GRK3: variants seen among roughly 807,000 people sequenced by gnomAD.
GRK3 encodes G protein-coupled receptor kinase 3, also known as adrenergic, beta, receptor kinase 2.
A neutral mutation model predicts 95.7 loss-of-function variants in GRK3; 54 were observed. The observed-to-expected ratio is 0.56, with a 90% confidence interval of 0.45 to 0.71. The LOEUF (loss-of-function observed/expected upper bound fraction) is 0.71, where lower values mean the gene tolerates loss of function less well. GRK3 is among the 30% of genes least tolerant of loss of function. The pLI, the probability that GRK3 is intolerant of heterozygous loss-of-function variation, is 0.00. For synonymous variants in GRK3, 281 were observed against 290.8 expected (o/e 0.97, Z 0.34); for missense variants, 649 against 851.2 (o/e 0.76, Z 2.96).
chr22:25,608,562 A>C (rs2084470139), intron 2 of GRK3, among the ~76,000 whole-genome samples: 1 of 152,224 alleles, frequency 6.6e-6, no homozygotes, highest in African/African-American at 2.4e-5. Flanking sequence ...AAGCTCAGGA[A>C]AGATTCCACA....
intron 5 of GRK3, among the ~76,000 whole-genome samples, chr22:25,666,169 A>G (rs182433897): frequency 1.1e-4 from 16 of 152,334 alleles, no homozygotes; most frequent in Non-Finnish European, 2.2e-4. Context: ...GGTAGATTCT[A>G]CGTAGTCTTA....
At chr22:25,699,244 A>G (rs1601535545) in intron 13 of GRK3, among the ~76,000 whole-genome samples, 1 of 152,096 alleles carries the variant, frequency 6.6e-6, no homozygotes, top group South Asian at 2.1e-4. Flanking sequence ...CCTGTGTTGT[A>G]TAGAAGGGAG....
intron 4 of GRK3, among the ~76,000 whole-genome samples, chr22:25,662,185 C>G (rs5996963): frequency 6.6e-6 from 1 of 152,114 alleles, no homozygotes; most frequent in South Asian, 2.1e-4. Flanking sequence ...TTAGGATAAA[C>G]TAGGTTATTA....
At position 25,708,812 on chromosome 22, in the gene GRK3, C is replaced by A. The variant is rs951170095; in HGVS notation, c.1329-1086C>A. On this transcript the variant is annotated intron_variant, in intron 15 of 20. Coordinates refer to ENST00000324198, the MANE Select transcript of GRK3 (RefSeq NM_005160.4). ...GAGTAGCTGAGACTACAGGCGCCTG[C>A]CACCATGCCCAGCTAATTTTTTGTA... Among the ~76,000 whole-genome samples the A allele has an allele frequency of 2.9e-4, 44 of 150,398 alleles. 1 individual carries two copies. Among genetic ancestry groups the A allele is most frequent in the Admixed American group, 2.9e-3 (44 of 15,128 alleles).
chr22:25,675,244 C>T (rs557926178), intron 8 of GRK3, among the ~76,000 whole-genome samples: 24 of 152,208 alleles, frequency 1.6e-4, no homozygotes, highest in African/African-American at 4.8e-5. Flanking sequence ...AAGCATAAGC[C>T]GTTGTGGCAT....
chr22:25,679,330 C>T (rs998661465), intron 9 of GRK3, among the ~76,000 whole-genome samples: 1 of 152,154 alleles, frequency 6.6e-6, no homozygotes, highest in Non-Finnish European at 1.5e-5. Context: ...TACTCACATC[C>T]GAATTGTCCT....
chr22:25,667,842 G>A, intron 6 of GRK3, 42 bp downstream of exon 6: 2 of 1,164,852 alleles, frequency 1.7e-6, no homozygotes, highest in South Asian at 1.3e-5. Context: ...TTTTTATCAT[G>A]TACGTGTACC....
chr22:25,565,336 G>A (rs1931427677), intron 1 of GRK3, among the ~76,000 whole-genome samples, 183 bp downstream of exon 1: 1 of 152,268 alleles, frequency 6.6e-6, no homozygotes, highest in African/African-American at 2.4e-5. Flanking sequence ...TCGGAGGGCC[G>A]GTGGGGGGCA....
chr22:25,570,308 C>T (rs1931647489), intron 1 of GRK3, among the ~76,000 whole-genome samples: 1 of 152,202 alleles, frequency 6.6e-6, no homozygotes, highest in South Asian at 2.1e-4. Flanking sequence ...TACACCATCT[C>T]ACCCCCCAAG....
At chr22:25,709,737 C>T (rs1002018546) in intron 15 of GRK3, among the ~76,000 whole-genome samples, 161 bp from the exon 16 acceptor site, 2 of 152,152 alleles carry the variant, frequency 1.3e-5, no homozygotes, top group African/African-American at 4.8e-5. Context: ...AACATCGTAG[C>T]ATTCCTCCTG....
At chr22:25,660,886 A>T (rs2084904993) in intron 3 of GRK3, among the ~76,000 whole-genome samples, 1 of 152,214 alleles carries the variant, frequency 6.6e-6, no homozygotes, top group South Asian at 2.1e-4. Context: ...CCATTTCCAC[A>T]TAAGGCAAAT....
At position 25,722,509 on chromosome 22, in the gene GRK3, T is replaced by G. The variant is rs1325211938; in HGVS notation, c.*59T>G. Reference sequence around the variant, plus strand: ...ACACCAGGGTCTCAGCCTTTTGGGGTGAACGAGGATGAGGCATCTGATCTA... The same window carrying G: ...ACACCAGGGTCTCAGCCTTTTGGGGGGAACGAGGATGAGGCATCTGATCTA... On this transcript the variant is annotated 3_prime_UTR_variant, in exon 21 of 21. Coordinates refer to ENST00000324198, the MANE Select transcript of GRK3 (RefSeq NM_005160.4). The G allele has an allele frequency of 6.4e-7, 1 of 1,564,314 alleles. No homozygotes were observed. Among genetic ancestry groups the G allele is most frequent in the African/African-American group, 1.4e-5 (1 of 73,494 alleles).
intron 14 of GRK3, 78 bp from the exon 15 acceptor site, chr22:25,704,031 A>G (rs2085279533): frequency 2.0e-6 from 2 of 1,016,470 alleles, no homozygotes; most frequent in Non-Finnish European, 1.5e-6. Flanking sequence ...TATCCCAGTA[A>G]TAGTCTTTAA....
intron 13 of GRK3, among the ~76,000 whole-genome samples, chr22:25,703,301 G>A (rs367704496): frequency 3.9e-4 from 60 of 152,318 alleles, no homozygotes; most frequent in African/African-American, 1.4e-3. Context: ...GATTCAGGCA[G>A]TTCAAGTAAG....
rs1185195003 is a variant in GRK3 at position 25,626,607 on chromosome 22, G to A, written c.191-17985G>A. On this transcript the variant is annotated intron_variant, in intron 2 of 20. Coordinates refer to ENST00000324198, the MANE Select transcript of GRK3 (RefSeq NM_005160.4). ...AAAAAAATACCTCTGTTATTTAATT[G>A]ACAAATTATTATATTCAGTTGGTTA... Among the ~76,000 whole-genome samples the A allele has an allele frequency of 3.9e-5, 6 of 152,186 alleles. No homozygotes were observed. The South Asian group carries it at 6.2e-4, about 16-fold the overall frequency.
intron 1 of GRK3, among the ~76,000 whole-genome samples, chr22:25,565,759 C>G (rs1272729074): frequency 1.3e-5 from 2 of 152,168 alleles, no homozygotes; most frequent in South Asian, 2.1e-4. Context: ...TCTATTTTGT[C>G]CCCGGGCAGG....
chr22:25,591,772 T>C (rs796723329), intron 1 of GRK3, among the ~76,000 whole-genome samples: 7 of 151,692 alleles, frequency 4.6e-5, no homozygotes, highest in African/African-American at 1.5e-4. Flanking sequence ...TCTGGCTTCT[T>C]TAAATCAGCA....
intron 19 of GRK3, among the ~76,000 whole-genome samples, chr22:25,720,949 C>T (rs534307865): frequency 2.0e-5 from 3 of 152,170 alleles, no homozygotes; most frequent in Non-Finnish European, 2.9e-5. Flanking sequence ...GTTGCTTCCT[C>T]ACAATGTTAT....
chr22:25,720,992 AGTAGGCT>A (rs2146477022), intron 19 of GRK3, among the ~76,000 whole-genome samples: 1 of 152,348 alleles, frequency 6.6e-6, no homozygotes, highest in East Asian at 1.9e-4. Context: ...CCATACAGCA[AGTAGGCT>A]TGCGATTCAT....
Sources: gnomAD v4.1 joint callset for allele counts (sites outside exome capture counted in the v4.1 genomes callset) on GRCh38, gnomAD v4.1.1 for gene constraint, MANE v1.5 for transcripts, NCBI Gene and HGNC (gene_info 2026-07-23, HGNC 2026-07-21) for gene names.